The following GIGYF2 variants were observed in gnomAD, a reference collection of about 807,000 sequenced individuals.
GIGYF2 encodes GRB10-interacting GYF protein 2.
GIGYF2 carries 25 observed loss-of-function variants against 208.1 expected under a neutral mutation model. That is an observed-to-expected ratio of 0.12 (90% confidence interval 0.09 to 0.17). GIGYF2 has a LOEUF of 0.17. Ranked by LOEUF, GIGYF2 falls within the 10% of genes least tolerant of loss-of-function variation. The pLI, the probability that GIGYF2 is intolerant of heterozygous loss-of-function variation, is 1.00. For missense variants in GIGYF2, 1,302 were observed against 1,579.4 expected (o/e 0.82, Z 2.98); for synonymous variants, 534 against 543.8 (o/e 0.98, Z 0.25).
At chr2:232,787,434 G>T in intron 9 of GIGYF2, 105 bp downstream of exon 9, 2 of 991,336 alleles carry the variant, frequency 2.0e-6, no homozygotes, top group South Asian at 2.8e-5. Flanking sequence ...AAATGTGGGG[G>T]TGGATTCATA....
chr2:232,787,752 C>T (rs539734855), intron 9 of GIGYF2, among the ~76,000 whole-genome samples: 1 of 152,180 alleles, frequency 6.6e-6, no homozygotes, highest in East Asian at 1.9e-4. Flanking sequence ...TTCATTTTTT[C>T]CCTTTTGAAA....
chr2:232,825,800 AC>A (rs1701229186), intron 21 of GIGYF2, among the ~76,000 whole-genome samples: 1 of 151,794 alleles, frequency 6.6e-6, no homozygotes. Context: ...TGGTTTGTGT[AC>A]CCATCAACTC....
rs1273230872 is a variant in GIGYF2 at position 232,857,505 on chromosome 2, C to G, written c.*645C>G. 1 of 153,822 alleles carries G rather than the reference C, an allele frequency of 6.5e-6. No homozygotes were observed. Among genetic ancestry groups the G allele is most frequent in the Non-Finnish European group, 1.4e-5 (1 of 69,232 alleles). The allele number at this position is 153,822 out of a possible 1,614,324, so 9.5% of individuals were successfully genotyped here. ...CTCCTCACCTGTTCTTTCTGAGTGT[C>G]CTTTCTCTGAAAGGATTTATGTTTT... On this transcript the variant is annotated 3_prime_UTR_variant, in exon 29 of 29. Transcript: ENST00000373563.
At chr2:232,750,731 CTGTGTGTGTG>C (rs61571808) in intron 5 of GIGYF2, among the ~76,000 whole-genome samples, 7 of 147,286 alleles carry the variant, frequency 4.8e-5, no homozygotes, top group Non-Finnish European at 9.0e-5. Flanking sequence ...TATATGAGCT[CTGTGTGTGTG>C]TGTGTGTGTG....
rs914478696 is a variant in GIGYF2, at chr2:232,857,086, G to T, written c.*226G>T. ...TAAGTGGACTGGACCCTGTGTCTTG[G>T]GGGTGGCAGTTGGGATTACTCCCCA... On this transcript the variant is annotated 3_prime_UTR_variant, in exon 29 of 29. Transcript: ENST00000373563. The T allele has an allele frequency of 1.7e-6, 1 of 584,460 alleles. No homozygotes were observed. The highest frequency in any genetic ancestry group is 2.0e-5 in the South Asian group (1 of 50,606). The allele number at this position is 584,460 out of a possible 1,614,324, so 36.2% of individuals were successfully genotyped here. A position where few individuals can be genotyped will look rare whatever the true frequency, so the allele number is the denominator to read the frequency against.
At chr2:232,714,004 T>C (rs1227614860) in intron 2 of GIGYF2, among the ~76,000 whole-genome samples, 1 of 150,502 alleles carries the variant, frequency 6.6e-6, no homozygotes, top group Non-Finnish European at 1.5e-5. Context: ...GGCTGGAGTG[T>C]AGTGGTGCGA....
intron 8 of GIGYF2, among the ~76,000 whole-genome samples, chr2:232,786,290 T>C (rs1469097311): frequency 6.6e-6 from 1 of 152,114 alleles, no homozygotes; most frequent in Non-Finnish European, 1.5e-5. Context: ...CAGGCTGGAG[T>C]ACAGTGTCGC....
chr2:232,804,488 C>T (rs1368718362), intron 14 of GIGYF2, among the ~76,000 whole-genome samples: 1 of 149,578 alleles, frequency 6.7e-6, no homozygotes, highest in South Asian at 2.1e-4. Flanking sequence ...TTTACATAGA[C>T]AGTCATATTT....
intron 2 of GIGYF2, among the ~76,000 whole-genome samples, chr2:232,725,461 G>T (rs921420623): frequency 2.0e-5 from 3 of 152,070 alleles, no homozygotes; most frequent in Admixed American, 6.6e-5. Flanking sequence ...ATACAGGTTT[G>T]ACCTTGTGTG....
chr2:232,787,338 T>A lies in GIGYF2; in HGVS notation c.712+9T>A. 1.2e-6 allele frequency: 2 copies of A among 1,612,172 alleles called. No homozygotes were observed. The highest frequency in any genetic ancestry group is 1.7e-6 in the Non-Finnish European group (2 of 1,178,336). On this transcript the variant is annotated intron_variant, in intron 9 of 28. Transcript: ENST00000373563. ...GCGACCTCACAGTCCTGGTAAGAATTCTGTTGAGTAAAGGCACACAGGGAC... is the reference window on the plus strand; with the variant it reads ...GCGACCTCACAGTCCTGGTAAGAATACTGTTGAGTAAAGGCACACAGGGAC...
intron 8 of GIGYF2, among the ~76,000 whole-genome samples, chr2:232,778,072 C>T (rs886903162): frequency 6.6e-6 from 1 of 151,876 alleles, no homozygotes; most frequent in African/African-American, 2.4e-5. Context: ...TCATCCCCCA[C>T]CCCCTGCAGT....
intron 27 of GIGYF2, among the ~76,000 whole-genome samples, chr2:232,849,942 G>A (rs1690247782): frequency 6.6e-6 from 1 of 152,126 alleles, no homozygotes; most frequent in South Asian, 2.1e-4. Flanking sequence ...ATTATTTGCA[G>A]TATTCATTTC....
At chr2:232,841,459 C>G (rs1701814889) in intron 23 of GIGYF2, among the ~76,000 whole-genome samples, 1 of 70,388 alleles carries the variant, frequency 1.4e-5, no homozygotes. Flanking sequence ...CCACCACCAG[C>G]TATTTTTTTT....
intron 21 of GIGYF2, among the ~76,000 whole-genome samples, chr2:232,822,987 A>G (rs1418026883): frequency 2.0e-5 from 3 of 152,164 alleles, no homozygotes; most frequent in African/African-American, 7.2e-5. Context: ...ATAGTTTTTC[A>G]TAGGTATCCA....
intron 17 of GIGYF2, 76 bp from the exon 18 acceptor site, chr2:232,812,315 A>G (rs1700756066): frequency 2.7e-6 from 2 of 734,984 alleles, no homozygotes; most frequent in East Asian, 2.6e-5. Context: ...CTGCTAATCT[A>G]GAAATTCCTC....
Position 232,845,771 on chromosome 2 carries a change from A to T in GIGYF2, c.3345A>T (p.Val1115=). The T allele has an allele frequency of 6.2e-7, 1 of 1,606,468 alleles. No homozygotes were observed. The highest frequency in any genetic ancestry group is 8.5e-7 in the Non-Finnish European group (1 of 1,172,950). The change falls in exon 26 of 29, where the codon GTA becomes GTT. Residue 1115 remains valine, a synonymous_variant. Coordinates refer to ENST00000373563, the MANE Select transcript of GIGYF2 (RefSeq NM_001103146.3). ...TGTCTAACCGGCAGAATAAGAAAGT[A>T]GAAGAAGAAGAAAAGTTGCTGAAGC... ...VGVSNRQNKK[V]EEEEKLLKLF...
chr2:232,712,878 T>C (rs1425253143), intron 2 of GIGYF2, among the ~76,000 whole-genome samples: 1 of 152,156 alleles, frequency 6.6e-6, no homozygotes, highest in Non-Finnish European at 1.5e-5. Flanking sequence ...TTTTTAGATA[T>C]TACTGAGTTT....
In GIGYF2 at chr2:232,850,131, G is replaced by C; in HGVS notation, c.3685-131G>C. Reference sequence around the variant, plus strand: ...GCTCTTGATTTTATTATTAGAACATGTGATGAAAAGCTTTTTGTTTTTCTG... The same window carrying C: ...GCTCTTGATTTTATTATTAGAACATCTGATGAAAAGCTTTTTGTTTTTCTG... On this transcript the variant is annotated intron_variant, in intron 27 of 28. Coordinates refer to ENST00000373563, the MANE Select transcript of GIGYF2 (RefSeq NM_001103146.3). The C allele has an allele frequency of 3.7e-6, 3 of 816,748 alleles. 1 individual carries two copies. The highest frequency in any genetic ancestry group is 2.8e-5 in the South Asian group (2 of 72,430). 50.6% of individuals were successfully genotyped at this position (816,748 alleles called of 1,614,324 possible).
intron 4 of GIGYF2, 109 bp downstream of exon 4, chr2:232,747,853 C>T: frequency 4.0e-6 from 4 of 995,076 alleles, no homozygotes; most frequent in Admixed American, 1.9e-5. Context: ...TTGACCCATG[C>T]CTTTCCACCT....
Sources: allele counts gnomAD v4.1 joint callset (sites outside exome capture counted in the v4.1 genomes callset), GRCh38; gene constraint gnomAD v4.1.1; transcripts MANE v1.5; gene names NCBI Gene and HGNC (gene_info 2026-07-23, HGNC 2026-07-21).